Variants in SF3B1 observed in about 807,000 individuals in gnomAD.
The protein encoded by SF3B1 is pre-mRNA processing 10.
A neutral mutation model predicts 153.8 loss-of-function variants in SF3B1; 12 were observed. The observed-to-expected ratio is 0.08, with a 90% CI of 0.05 to 0.13. The LOEUF is 0.13. SF3B1 is among the 10% of genes least tolerant of loss of function. The probability of loss-of-function intolerance (pLI) is 1.00; values close to 1 mark genes in which losing one functional copy is unlikely to be tolerated. For synonymous variants in SF3B1, 498 were observed against 525.2 expected (o/e 0.95, Z 0.71); for missense variants, 513 against 1,606.1 (o/e 0.32, Z 11.63).
chr2:197,412,587 C>A (rs1333813523), intron 6 of SF3B1, among the ~76,000 whole-genome samples: 1 of 151,744 alleles, frequency 6.6e-6, no homozygotes, highest in Non-Finnish European at 1.5e-5. Context: ...AACCTCTCGA[C>A]CTCAGGTGAT....
At chr2:197,427,138 T>G (rs766161855) in intron 1 of SF3B1, among the ~76,000 whole-genome samples, 3 of 152,218 alleles carry the variant, frequency 2.0e-5, no homozygotes, top group African/African-American at 4.8e-5. Context: ...AGTGTTGGTA[T>G]GAAATCTATG....
chr2:197,394,608 T>A (rs2084854098), intron 23 of SF3B1, among the ~76,000 whole-genome samples: 1 of 152,198 alleles, frequency 6.6e-6, no homozygotes, highest in South Asian at 2.1e-4. Flanking sequence ...GCAATGGGTA[T>A]GAAAATGAGT....
chr2:197,413,499 C>T (rs2085101944), intron 6 of SF3B1, among the ~76,000 whole-genome samples: 1 of 152,150 alleles, frequency 6.6e-6, no homozygotes, highest in South Asian at 2.1e-4. Context: ...AATGAGAAGT[C>T]CTCACCTTAA....
intron 1 of SF3B1, 55 bp from the exon 2 acceptor site, chr2:197,424,029 C>T (rs977945663): frequency 1.4e-5 from 20 of 1,427,174 alleles, no homozygotes; most frequent in Middle Eastern, 1.8e-4. Flanking sequence ...GAACTCCCAA[C>T]ACAATGCATT....
intron 4 of SF3B1, chr2:197,419,180 T>C (rs1363950449): frequency 4.2e-6 from 2 of 478,746 alleles, no homozygotes; most frequent in African/African-American, 4.0e-5. Flanking sequence ...TTAAGTTTTG[T>C]TGACCCAGAA....
chr2:197,413,864 T>C (rs1025724315), intron 6 of SF3B1, among the ~76,000 whole-genome samples: 1 of 152,070 alleles, frequency 6.6e-6, no homozygotes, highest in African/African-American at 2.4e-5. Flanking sequence ...TGAAGTGCAG[T>C]GGCACGATCT....
chr2:197,392,581 G>GGC (rs1553563303), intron 24 of SF3B1, 120 bp from the exon 25 acceptor site: 3 of 273,194 alleles, frequency 1.1e-5, no homozygotes, highest in African/African-American at 2.9e-5. Flanking sequence ...GGGGGGGGGG[G>GGC]AACCTACTAA....
chr2:197,434,155 T>A (rs1314385719), intron 1 of SF3B1, among the ~76,000 whole-genome samples: 2 of 152,156 alleles, frequency 1.3e-5, no homozygotes, highest in Non-Finnish European at 1.5e-5. Context: ...GGATTCCAAG[T>A]CAGAAATCAA....
At chr2:197,404,364 G>C (rs1017002637) in intron 11 of SF3B1, among the ~76,000 whole-genome samples, 2 of 152,144 alleles carry the variant, frequency 1.3e-5, no homozygotes, top group Non-Finnish European at 2.9e-5. Context: ...TTAATCATTT[G>C]AGGCCAGGAG....
At chr2:197,417,353 T>C (rs1391412780) in intron 5 of SF3B1, among the ~76,000 whole-genome samples, 1 of 152,104 alleles carries the variant, frequency 6.6e-6, no homozygotes, top group African/African-American at 2.4e-5. Flanking sequence ...TGATAATGGA[T>C]GCACATTTAA....
intron 9 of SF3B1, among the ~76,000 whole-genome samples, chr2:197,407,178 G>GACTTACAA (rs2085004406): frequency 6.6e-6 from 1 of 152,166 alleles, no homozygotes; most frequent in Non-Finnish European, 1.5e-5. Flanking sequence ...GCCATCAGAT[G>GACTTACAA]ACTTACAAAG....
intron 4 of SF3B1, chr2:197,420,053 G>A (rs970070663): frequency 1.6e-5 from 4 of 250,156 alleles, no homozygotes; most frequent in Admixed American, 1.1e-4. Flanking sequence ...GTTTCTCAAG[G>A]GTAACAATCC....
chr2:197,408,648 A>T, intron 7 of SF3B1, 67 bp from the exon 8 acceptor site: 1 of 1,064,846 alleles, frequency 9.4e-7, no homozygotes, highest in East Asian at 2.4e-5. Context: ...CTTTATTCTC[A>T]AACAGTTATA....
chr2:197,426,111 C>G (rs1387624616), intron 1 of SF3B1, among the ~76,000 whole-genome samples: 1 of 151,812 alleles, frequency 6.6e-6, no homozygotes, highest in Non-Finnish European at 1.5e-5. Context: ...TTACACAGCA[C>G]CACTACATGC....
chr2:197,409,912 C>A lies in SF3B1; in HGVS notation c.762G>T (p.Trp254Cys), dbSNP rs2105996164. The A allele has an allele frequency of 6.2e-7, 1 of 1,614,116 alleles. No homozygotes were observed. The highest frequency in any genetic ancestry group is 8.5e-7 in the Non-Finnish European group (1 of 1,180,012). ...CTGGTGTGTGGCTAGGTGTAGGATC[C>A]CATATTTTTGAGCCTGGGGTTGCTC... ...TPGATPGSKI[W>C]DPTPSHTPAG... Residue 254 changes from tryptophan (W) to cysteine (C), a missense_variant, in exon 7 of 25, where the codon TGG becomes TGT. By Grantham distance (215) the Trp-to-Cys change is radical. Transcript: ENST00000335508.
At chr2:197,396,365 A>T (rs10197797) in intron 22 of SF3B1, 37 bp from the exon 23 acceptor site, 12 of 1,545,072 alleles carry the variant, frequency 7.8e-6, no homozygotes, top group African/African-American at 2.8e-5. Flanking sequence ...CTGTTACATT[A>T]TAAGTCAAAA....
At chr2:197,420,750 G>A (rs2085227189) in intron 3 of SF3B1, among the ~76,000 whole-genome samples, 1 of 152,110 alleles carries the variant, frequency 6.6e-6, no homozygotes, top group Non-Finnish European at 1.5e-5. Flanking sequence ...ATAGTTCAAT[G>A]CTTCATTAAA....
Position 197,401,387 on chromosome 2 carries a change from A to G in SF3B1, c.2496+13T>C. On this transcript the variant is annotated intron_variant, in intron 17 of 24. Coordinates refer to ENST00000335508, the MANE Select transcript of SF3B1 (RefSeq NM_012433.4). The surrounding 1 kb of genome is among the most constrained non-coding windows in gnomAD (Gnocchi z 4.2). ...AGGACTTTTGAGAATATTCTTTTAC[A>G]ATAAAAGCTTACCTGTCGGTAATTT... 6.3e-7 allele frequency: 1 copy of G among 1,587,408 alleles called. No homozygotes were observed. The highest frequency in any genetic ancestry group is 8.5e-7 in the Non-Finnish European group (1 of 1,173,246).
chr2:197,413,128 T>C (rs1185269898), intron 6 of SF3B1, among the ~76,000 whole-genome samples: 3 of 152,020 alleles, frequency 2.0e-5, no homozygotes, highest in Admixed American at 2.0e-4. Flanking sequence ...TGGCTGGACA[T>C]GGTGGCTCAT....
Sources: allele counts gnomAD v4.1 joint callset (sites outside exome capture counted in the v4.1 genomes callset), GRCh38; gene constraint gnomAD v4.1.1; non-coding constraint Gnocchi (gnomAD v3.1); transcripts MANE v1.5; gene names NCBI Gene and HGNC (gene_info 2026-07-23, HGNC 2026-07-21).